The following BLTP1 variants were observed in gnomAD, a reference collection of about 807,000 sequenced individuals.
The protein encoded by BLTP1 is fragile site-associated protein.
At chr4:122,235,365 A>G in the BLTP1 span, 8 of 984,746 alleles carry the variant, frequency 8.1e-6, no homozygotes, top group African/African-American at 7.0e-5. Flanking sequence ...CAAGGTAACA[A>G]TTGTTTCACC....
chr4:122,240,556 A>G, the BLTP1 span, among the ~76,000 whole-genome samples: 1 of 152,332 alleles, frequency 6.6e-6, no homozygotes, highest in African/African-American at 2.4e-5. Flanking sequence ...GAAATGGTTT[A>G]TGAGTTGCCA....
chr4:122,176,028 A>G, the BLTP1 span: 1 of 609,316 alleles, frequency 1.6e-6, no homozygotes, highest in East Asian at 3.1e-5. Context: ...TAGGCCAGTC[A>G]CGGTGGCTTA....
chr4:122,189,529 T>G, the BLTP1 span: 1 of 804,764 alleles, frequency 1.2e-6, no homozygotes. Flanking sequence ...ATGATTATAG[T>G]TTAATATACA....
chr4:122,360,217 G>A, the BLTP1 span, among the ~76,000 whole-genome samples: 2 of 152,154 alleles, frequency 1.3e-5, no homozygotes, highest in Non-Finnish European at 2.9e-5. Flanking sequence ...ATAAAACCAT[G>A]CCTAATATCT....
the BLTP1 span, chr4:122,172,977 A>G: frequency 1.3e-6 from 2 of 1,590,864 alleles, no homozygotes; most frequent in Middle Eastern, 3.3e-4. Flanking sequence ...AAATTGTAAG[A>G]GGACACATTA....
chr4:122,310,349 TG>T, the BLTP1 span, among the ~76,000 whole-genome samples: 1 of 151,932 alleles, frequency 6.6e-6, no homozygotes, highest in South Asian at 2.1e-4. Context: ...GGCTATTTGC[TG>T]GGGGGCTTGT....
At chr4:122,344,287 T>G in the BLTP1 span, 1 of 1,296,260 alleles carries the variant, frequency 7.7e-7, no homozygotes, top group Non-Finnish European at 1.0e-6. Context: ...TCATGGCATA[T>G]TACAGTATAT....
At chr4:122,305,904 C>T in the BLTP1 span, 1 of 1,595,478 alleles carries the variant, frequency 6.3e-7, no homozygotes, top group Non-Finnish European at 8.5e-7. Flanking sequence ...TTCTGATTTT[C>T]ATCAAGTTGC....
At chr4:122,343,368 T>G in the BLTP1 span, 12 of 1,604,464 alleles carry the variant, frequency 7.5e-6, no homozygotes, top group African/African-American at 1.3e-5. Flanking sequence ...CTGGCCTTTT[T>G]TTCTTGTAGC....
chr4:122,239,740 T>C, the BLTP1 span: 3 of 1,614,050 alleles, frequency 1.9e-6, no homozygotes, highest in African/African-American at 4.0e-5. Flanking sequence ...GAGAATGTAC[T>C]AGACTCACCA....
chr4:122,345,653 G>T, the BLTP1 span, among the ~76,000 whole-genome samples: 1 of 152,076 alleles, frequency 6.6e-6, no homozygotes, highest in Non-Finnish European at 1.5e-5. Context: ...TTTCGGCACT[G>T]AGAAGCCATT....
At chr4:122,328,162 A>T in the BLTP1 span, 2 of 1,610,748 alleles carry the variant, frequency 1.2e-6, no homozygotes, top group Admixed American at 1.7e-5. Context: ...CCATCCCATT[A>T]TTCATCAAAT....
At chr4:122,187,918 C>G in the BLTP1 span, 1 of 1,582,024 alleles carries the variant, frequency 6.3e-7, no homozygotes, top group South Asian at 1.2e-5. Context: ...TTGGAAATCA[C>G]TACCAGCCGC....
chr4:122,282,777 T>C, the BLTP1 span, among the ~76,000 whole-genome samples: 1 of 152,220 alleles, frequency 6.6e-6, no homozygotes, highest in Non-Finnish European at 1.5e-5. Flanking sequence ...CTTTTAGCTG[T>C]TTTGAACTTT....
At chr4:122,287,331 C>T in the BLTP1 span, among the ~76,000 whole-genome samples, 2 of 152,144 alleles carry the variant, frequency 1.3e-5, no homozygotes, top group African/African-American at 2.4e-5. Flanking sequence ...ATAATTTTTT[C>T]ACTTTGTATA....
chr4:122,154,162 C>CTTTTTT, the BLTP1 span: 365 of 255,046 alleles, frequency 1.4e-3, 65 homozygotes, highest in African/African-American at 0.014. Context: ...CGGTTAAAGA[C>CTTTTTT]TTTTTTTTTT....
the BLTP1 span, chr4:122,286,295 A>T: frequency 3.3e-6 from 1 of 300,760 alleles, no homozygotes; most frequent in Non-Finnish European, 4.9e-6. Context: ...TCTAGTGCCT[A>T]ACACACTGCC....
At chr4:122,264,394 A>C in the BLTP1 span, 2 of 1,610,776 alleles carry the variant, frequency 1.2e-6, no homozygotes, top group Non-Finnish European at 1.7e-6. Context: ...AAGCAAACCA[A>C]GGGTTTCCTG....
chr4:122,231,562 T>C, the BLTP1 span: 16 of 731,058 alleles, frequency 2.2e-5, no homozygotes, highest in African/African-American at 3.1e-4. Context: ...TTTAATTTTG[T>C]TTTTATTTTC....
Sources: allele counts gnomAD v4.1 joint callset (sites outside exome capture counted in the v4.1 genomes callset), GRCh38; gene constraint gnomAD v4.1.1; transcripts MANE v1.5; gene names NCBI Gene and HGNC (gene_info 2026-07-23, HGNC 2026-07-21).